Variants in AXDND1 observed in about 807,000 individuals in gnomAD.
The protein encoded by AXDND1 is axonemal dynein light chain domain-containing protein 1.
In AXDND1, 110 loss-of-function variants were observed where a neutral mutation model predicts 137.5. The observed-to-expected ratio is 0.80, with a 90% CI of 0.69 to 0.94. AXDND1 has a LOEUF of 0.94. AXDND1 is among the 40% of genes least tolerant of loss of function. The pLI, the probability that AXDND1 is intolerant of heterozygous loss-of-function variation, is 0.00. For missense variants in AXDND1, 1,191 were observed against 1,169.8 expected (o/e 1.02, Z -0.26); for synonymous variants, 414 against 399.7 (o/e 1.04, Z -0.43).
chr1:179,430,726 C>A, intron 14 of AXDND1, 120 bp downstream of exon 14: 1 of 1,116,808 alleles, frequency 9.0e-7, no homozygotes, highest in Non-Finnish European at 1.3e-6. Flanking sequence ...TTTTGGGGAG[C>A]AGTCCCTATG....
At chr1:179,481,083 A>G (rs1315449999) in intron 17 of AXDND1, among the ~76,000 whole-genome samples, 3 of 151,778 alleles carry the variant, frequency 2.0e-5, no homozygotes, top group African/African-American at 7.3e-5. Context: ...TGCTGCACCC[A>G]TTAACTCATC....
At chr1:179,447,071 C>T (rs1428511590) in intron 16 of AXDND1, among the ~76,000 whole-genome samples, 4 of 152,090 alleles carry the variant, frequency 2.6e-5, no homozygotes, top group African/African-American at 9.7e-5. Flanking sequence ...CATTTCAAGT[C>T]CTCTCTTCTA....
chr1:179,513,872 G>C (rs1669276599), intron 21 of AXDND1, among the ~76,000 whole-genome samples: 2 of 152,090 alleles, frequency 1.3e-5, no homozygotes, highest in East Asian at 3.9e-4. Context: ...TAGTAGCCTT[G>C]AATGATCTTT....
intron 11 of AXDND1, among the ~76,000 whole-genome samples, chr1:179,399,696 C>A (rs921065713): frequency 6.6e-6 from 1 of 152,142 alleles, no homozygotes; most frequent in Non-Finnish European, 1.5e-5. Flanking sequence ...GGACTAATAT[C>A]CAGAATCTAC....
At chr1:179,482,339 A>G (rs1665520451) in intron 17 of AXDND1, among the ~76,000 whole-genome samples, 2 of 152,034 alleles carry the variant, frequency 1.3e-5, no homozygotes, top group South Asian at 4.1e-4. Flanking sequence ...GATTCTCAGC[A>G]TGCTATGCAT....
rs751920325 is a variant in AXDND1 at position 179,368,790 on chromosome 1, A to G, written c.98-10A>G. ...ATAGTAAGAGTTTTTCTTTTCCACT[A>G]CTTACTTAGGACTTCCTGAGCTAAA... is the stretch of plus-strand genomic sequence containing the variant. On this transcript the variant is annotated splice_polypyrimidine_tract_variant and intron_variant, in intron 2 of 25. Coordinates refer to ENST00000367618, the MANE Select transcript of AXDND1 (RefSeq NM_144696.6). The G allele has an allele frequency of 3.8e-6, 6 of 1,593,600 alleles. No individual in the cohort carries two copies. The Admixed American group carries it at 9.2e-5, about 25-fold the overall frequency.
intron 11 of AXDND1, among the ~76,000 whole-genome samples, chr1:179,408,208 A>C (rs1264830238): frequency 6.6e-6 from 1 of 151,706 alleles, no homozygotes; most frequent in African/African-American, 2.4e-5. Context: ...TGTGTCTTGT[A>C]TCTCACTGGG....
At chr1:179,490,762 G>T (rs200809555) in intron 18 of AXDND1, among the ~76,000 whole-genome samples, 24 of 146,682 alleles carry the variant, frequency 1.6e-4, no homozygotes, top group Non-Finnish European at 1.6e-4. Flanking sequence ...CACAGTACTT[G>T]TTTTTTTTTT....
At chr1:179,373,066 T>C (rs367864618) in intron 4 of AXDND1, among the ~76,000 whole-genome samples, 2 of 152,190 alleles carry the variant, frequency 1.3e-5, no homozygotes, top group African/African-American at 4.8e-5. Context: ...CAATCACCTC[T>C]TAAAGGTTCC....
chr1:179,368,494 A>G (rs1336331895), intron 2 of AXDND1, among the ~76,000 whole-genome samples: 5 of 152,230 alleles, frequency 3.3e-5, no homozygotes, highest in Non-Finnish European at 5.9e-5. Context: ...AGGCTCTCCC[A>G]GTTACCTGAG....
intron 11 of AXDND1, among the ~76,000 whole-genome samples, chr1:179,398,202 T>C (rs1651365751): frequency 6.6e-6 from 1 of 152,202 alleles, no homozygotes; most frequent in Non-Finnish European, 1.5e-5. Context: ...GAGAGTTTGA[T>C]TGTGGTATAA....
At chr1:179,419,102 G>A (rs1655232835) in intron 12 of AXDND1, among the ~76,000 whole-genome samples, 1 of 151,312 alleles carries the variant, frequency 6.6e-6, no homozygotes, top group African/African-American at 2.4e-5. Context: ...ATGGGATGGC[G>A]GCCGGGCAGA....
chr1:179,369,934 C>T (rs774850547), intron 3 of AXDND1, 41 bp from the exon 4 acceptor site: 6 of 1,433,644 alleles, frequency 4.2e-6, no homozygotes, highest in African/African-American at 2.8e-5. Flanking sequence ...TTGATTAGAT[C>T]GCCCTCTGCT....
intron 21 of AXDND1, among the ~76,000 whole-genome samples, chr1:179,513,035 A>G (rs912581118): frequency 2.6e-5 from 4 of 152,154 alleles, no homozygotes; most frequent in South Asian, 2.1e-4. Context: ...CTCTTTACCA[A>G]TTTGGGTGTC....
chr1:179,491,026 CTA>C (rs1553293482), intron 18 of AXDND1, among the ~76,000 whole-genome samples: 1 of 152,120 alleles, frequency 6.6e-6, no homozygotes, highest in Non-Finnish European at 1.5e-5. Context: ...TATGGCCAGG[CTA>C]AAGAAGAGAT....
intron 21 of AXDND1, among the ~76,000 whole-genome samples, chr1:179,518,385 C>CTTTTTTTTT (rs71114530): frequency 6.2e-5 from 9 of 145,086 alleles, no homozygotes; most frequent in Non-Finnish European, 1.2e-4. Context: ...TTTCCTTTTT[C>CTTTTTTTTT]TTTTTTTTTT....
At chr1:179,533,910 GA>G in intron 24 of AXDND1, 33 bp downstream of exon 24, 1 of 1,581,480 alleles carries the variant, frequency 6.3e-7, no homozygotes, top group East Asian at 2.2e-5. Context: ...GTAAGAGGAT[GA>G]AAATGGCTGG....
At chr1:179,495,954 T>A (rs1214514914) in intron 20 of AXDND1, among the ~76,000 whole-genome samples, 1 of 150,544 alleles carries the variant, frequency 6.6e-6, no homozygotes, top group African/African-American at 2.4e-5. Context: ...ATCCTTTCGC[T>A]GCATCTATTG....
intron 12 of AXDND1, among the ~76,000 whole-genome samples, chr1:179,423,727 C>T (rs758247184): frequency 1.7e-4 from 26 of 151,918 alleles, no homozygotes; most frequent in East Asian, 1.9e-4. Flanking sequence ...GAAAAAAATA[C>T]GCTTTAACTC....
Sources: gnomAD v4.1 joint callset for allele counts (sites outside exome capture counted in the v4.1 genomes callset) on GRCh38, gnomAD v4.1.1 for gene constraint, MANE v1.5 for transcripts, NCBI Gene and HGNC (gene_info 2026-07-23, HGNC 2026-07-21) for gene names.